EP300: variants seen among roughly 807,000 people sequenced by gnomAD.
The protein encoded by EP300 is histone acetyltransferase p300.
A neutral mutation model predicts 264.0 loss-of-function variants in EP300; 31 were observed. The observed-to-expected ratio is 0.12, with a 90% CI of 0.09 to 0.16. The LOEUF is 0.16. EP300 is among the 10% of genes least tolerant of loss of function. EP300 has a pLI of 1.00. For synonymous variants in EP300, 1,340 were observed against 1,045.4 expected (o/e 1.28, Z -5.44); for missense variants, 2,766 against 3,052.9 (o/e 0.91, Z 2.21).
At chr22:41,101,848 C>G (rs1457007099) in intron 1 of EP300, among the ~76,000 whole-genome samples, 1 of 151,974 alleles carries the variant, frequency 6.6e-6, no homozygotes, top group Non-Finnish European at 1.5e-5. Flanking sequence ...AAGAAACTTT[C>G]TTATAAAGGA....
chr22:41,172,276 T>C lies in EP300; in HGVS notation c.4453-223T>C, dbSNP rs185610159. On this transcript the variant is annotated intron_variant, in intron 27 of 30. Coordinates refer to ENST00000263253, the MANE Select transcript of EP300 (RefSeq NM_001429.4). ...ATAAAGGCAGATAAGCTCCCTGTTT[T>C]TGTGGGTAGAAGAAATAGAAAACCG... is the stretch of plus-strand genomic sequence containing the variant. Among the ~76,000 whole-genome samples the C allele has an allele frequency of 3.3e-5, 5 of 152,344 alleles. No individual in the cohort carries two copies. In the South Asian group the frequency reaches 8.3e-4, roughly 25 times the overall value.
rs1028982868 is a variant in EP300 at position 41,149,311 on chromosome 22, A to C, written c.2379+136A>C. 9 of 999,592 alleles carry C rather than the reference A, an allele frequency of 9.0e-6. No homozygotes were observed. The African/African-American group carries it at 1.5e-4, about 16-fold the overall frequency. 61.9% of individuals were successfully genotyped at this position (999,592 alleles called of 1,614,324 possible). A position where few individuals can be genotyped will look rare whatever the true frequency, so the allele number is the denominator to read the frequency against. On this transcript the variant is annotated intron_variant, in intron 13 of 30. Coordinates refer to ENST00000263253, the MANE Select transcript of EP300 (RefSeq NM_001429.4). ...TTTAAAAAATAACAATTTTGGACTT[A>C]GGGTATTCTGAACATGAAGAGATTA...
At chr22:41,157,839 C>T (rs1278885742) in intron 18 of EP300, among the ~76,000 whole-genome samples, 1 of 152,162 alleles carries the variant, frequency 6.6e-6, no homozygotes, top group African/African-American at 2.4e-5. Flanking sequence ...CTTTCTCTTA[C>T]TGTGTGCCAC....
chr22:41,153,520 C>T (rs1375418327), intron 16 of EP300, among the ~76,000 whole-genome samples: 1 of 152,090 alleles, frequency 6.6e-6, no homozygotes, highest in Non-Finnish European at 1.5e-5. Flanking sequence ...GGAGGCCGAG[C>T]GGGCAGATCA....
chr22:41,121,022 G>A (rs1205339088), intron 2 of EP300, among the ~76,000 whole-genome samples: 2 of 152,150 alleles, frequency 1.3e-5, no homozygotes, highest in African/African-American at 2.4e-5. Flanking sequence ...AGAAAAAATA[G>A]GCATGGCTCA....
At chr22:41,112,536 T>C (rs2058798588) in intron 1 of EP300, among the ~76,000 whole-genome samples, 2 of 152,184 alleles carry the variant, frequency 1.3e-5, no homozygotes, top group African/African-American at 4.8e-5. Context: ...TTTGTTACTA[T>C]GGCGAATGAC....
intron 1 of EP300, among the ~76,000 whole-genome samples, chr22:41,098,669 C>G (rs1217343477): frequency 1.3e-5 from 2 of 152,216 alleles, no homozygotes; most frequent in East Asian, 3.9e-4. Flanking sequence ...TAGCACCTGG[C>G]CCTAGAAGTA....
chr22:41,158,828 C>CT, intron 19 of EP300: 1 of 290,870 alleles, frequency 3.4e-6, no homozygotes, highest in South Asian at 4.3e-5. Flanking sequence ...TGAGGCAAAA[C>CT]TGAGAAGATT....
intron 1 of EP300, among the ~76,000 whole-genome samples, chr22:41,096,513 G>A (rs1302013106): frequency 6.6e-6 from 1 of 151,648 alleles, no homozygotes; most frequent in Non-Finnish European, 1.5e-5. Flanking sequence ...CCATTTCAAA[G>A]ACACAGGGCA....
At chr22:41,094,585 C>T (rs1296288359) in intron 1 of EP300, among the ~76,000 whole-genome samples, 1 of 152,056 alleles carries the variant, frequency 6.6e-6, no homozygotes, top group Non-Finnish European at 1.5e-5. Context: ...TGGTTTTTTC[C>T]TTCAGAATTC....
At chr22:41,123,047 A>G (rs1010556379) in intron 2 of EP300, among the ~76,000 whole-genome samples, 2 of 152,164 alleles carry the variant, frequency 1.3e-5, no homozygotes, top group Admixed American at 1.3e-4. Flanking sequence ...TTATATAAAA[A>G]GTAAAAGAAA....
intron 1 of EP300, among the ~76,000 whole-genome samples, chr22:41,094,654 C>T (rs555651720): frequency 6.6e-6 from 1 of 152,154 alleles, no homozygotes; most frequent in African/African-American, 2.4e-5. Context: ...CATTCAGAAA[C>T]ATTTTTTAGA....
At chr22:41,117,904 A>T in intron 2 of EP300, 83 bp downstream of exon 2, 1 of 1,597,678 alleles carries the variant, frequency 6.3e-7, no homozygotes, top group Non-Finnish European at 8.5e-7. Context: ...CTTACATTGT[A>T]TAGCAGTTTC....
At chr22:41,163,437 A>G (rs1425124454) in intron 21 of EP300, among the ~76,000 whole-genome samples, 1 of 139,822 alleles carries the variant, frequency 7.2e-6, no homozygotes, top group Non-Finnish European at 1.6e-5. Flanking sequence ...TCCGTCTCAA[A>G]AAAAAAAAAA....
rs1482031262 is a variant in EP300 at position 41,150,542 on chromosome 22, A to G, written c.2817+344A>G. ...CAGCACATAAATTTTACATATATTTAAGGAATCTTTTTCAAACAGTTTGAG... is the reference window on the plus strand; with the variant it reads ...CAGCACATAAATTTTACATATATTTGAGGAATCTTTTTCAAACAGTTTGAG... On this transcript the variant is annotated intron_variant, in intron 14 of 30. Coordinates refer to ENST00000263253, the MANE Select transcript of EP300 (RefSeq NM_001429.4). Among the ~76,000 whole-genome samples, 3 of 152,134 alleles carry G rather than the reference A, an allele frequency of 2.0e-5. No homozygotes were observed. The East Asian group carries it at 5.8e-4, about 29-fold the overall frequency.
At chr22:41,163,767 G>A (rs1386736670) in intron 21 of EP300, among the ~76,000 whole-genome samples, 1 of 151,864 alleles carries the variant, frequency 6.6e-6, no homozygotes, top group Non-Finnish European at 1.5e-5. Flanking sequence ...ACAAAAAACA[G>A]CCAGGCATGA....
rs2145732453 is a variant in EP300 at position 41,146,796 on chromosome 22, C to T, written c.2111C>T (p.Pro704Leu). The T allele has an allele frequency of 6.2e-7, 1 of 1,614,082 alleles. No individual in the cohort carries two copies. The change falls in exon 11 of 31, where the codon CCT (proline) becomes CTT (leucine). Residue 704 changes from proline to leucine, a missense_variant. Physicochemically the swap from Pro to Leu is moderately conservative, Grantham distance 98. Coordinates refer to ENST00000263253, the MANE Select transcript of EP300 (RefSeq NM_001429.4). ...GGCAGTGTGCCAAACCAGATGATGC[C>T]TCGAATAACTCCACAATCTGGTAAA... ...IRGSVPNQMMPRITPQSGLNQ... is the reference protein window; with the variant it reads ...IRGSVPNQMMLRITPQSGLNQ...
At chr22:41,156,042 A>T (rs1004062543) in intron 17 of EP300, among the ~76,000 whole-genome samples, 2 of 150,906 alleles carry the variant, frequency 1.3e-5, no homozygotes, top group Non-Finnish European at 3.0e-5. Context: ...ATGGAGTTTC[A>T]CTCTTGTTGC....
chr22:41,111,998 C>T (rs191781360), intron 1 of EP300, among the ~76,000 whole-genome samples: 2 of 148,976 alleles, frequency 1.3e-5, no homozygotes, highest in African/African-American at 4.9e-5. Context: ...CGCCATCCTC[C>T]TGCCTCAGCC....
Sources: gnomAD v4.1 joint callset for allele counts (sites outside exome capture counted in the v4.1 genomes callset) on GRCh38, gnomAD v4.1.1 for gene constraint, MANE v1.5 for transcripts, NCBI Gene and HGNC (gene_info 2026-07-23, HGNC 2026-07-21) for gene names.